NR5A2: variants seen among roughly 807,000 people sequenced by gnomAD.
NR5A2 encodes the protein CYP7A promoter-binding factor.
Under a neutral mutation model 62.7 loss-of-function variants are expected in NR5A2, and 26 were observed. The ratio of observed to expected loss-of-function variants is 0.41; its 90% CI spans 0.30 to 0.58. The LOEUF is 0.58. Among genes scored for constraint, NR5A2 ranks in the 20% least tolerant of loss-of-function variants. The pLI, the probability that NR5A2 is intolerant of heterozygous loss-of-function variation, is 0.22. For missense variants in NR5A2, 541 were observed against 669.1 expected (o/e 0.81, Z 2.11); for synonymous variants, 246 against 241.7 (o/e 1.02, Z -0.16).
intron 6 of NR5A2, among the ~76,000 whole-genome samples, chr1:200,117,966 G>A (rs1324397848): frequency 1.3e-5 from 2 of 150,360 alleles, no homozygotes; most frequent in Non-Finnish European, 3.0e-5. Flanking sequence ...CACCCGTCTC[G>A]GCCTCCCAAA....
chr1:200,096,108 G>A (rs1339605488), intron 5 of NR5A2, among the ~76,000 whole-genome samples: 1 of 151,776 alleles, frequency 6.6e-6, no homozygotes, highest in East Asian at 1.9e-4. Flanking sequence ...TTGTTTGTTT[G>A]TTTGTTTTTG....
At chr1:200,111,146 G>GA in intron 5 of NR5A2, 56 bp from the exon 6 acceptor site, 1 of 1,589,010 alleles carries the variant, frequency 6.3e-7, no homozygotes, top group Non-Finnish European at 8.5e-7. Context: ...AAAAAGTAGT[G>GA]AATAACAGTG....
intron 1 of NR5A2, among the ~76,000 whole-genome samples, chr1:200,038,101 T>G (rs1283055707): frequency 6.6e-6 from 1 of 152,228 alleles, no homozygotes; most frequent in Non-Finnish European, 1.5e-5. Context: ...ATGTTTTTCA[T>G]CTTGTTGGGA....
Position 200,074,100 on chromosome 1 carries a change from T to C in NR5A2, c.1110+25282T>C, listed in dbSNP as rs1663885900. 2.0e-5 allele frequency among the ~76,000 whole-genome samples: 3 copies of C among 152,118 alleles called. 1 individual carries two copies. The South Asian group carries it at 6.2e-4, about 31-fold the overall frequency. ...ATACTTGGTCCTCGTGAGGAATCAA[T>C]GACATAATAAAAGTATGCTAAAAAG... On this transcript the variant is annotated intron_variant, in intron 5 of 7. Coordinates refer to ENST00000367362, the MANE Select transcript of NR5A2 (RefSeq NM_205860.3).
intron 7 of NR5A2, among the ~76,000 whole-genome samples, chr1:200,122,614 A>C (rs1666527801): frequency 6.6e-6 from 1 of 152,138 alleles, no homozygotes; most frequent in African/African-American, 2.4e-5. Context: ...CAACTTTTGA[A>C]CCTCAAAAAT....
At chr1:200,117,534 A>C (rs1166574612) in intron 6 of NR5A2, among the ~76,000 whole-genome samples, 1 of 152,198 alleles carries the variant, frequency 6.6e-6, no homozygotes, top group Non-Finnish European at 1.5e-5. Flanking sequence ...TTTCCGTTAT[A>C]GTGTACTACA....
intron 5 of NR5A2, among the ~76,000 whole-genome samples, chr1:200,068,266 A>C (rs1478600750): frequency 6.6e-6 from 1 of 152,182 alleles, no homozygotes; most frequent in African/African-American, 2.4e-5. Context: ...TTTGGATTAG[A>C]AATCAAATCC....
intron 5 of NR5A2, among the ~76,000 whole-genome samples, chr1:200,055,538 G>C (rs1290313946): frequency 6.6e-6 from 1 of 152,156 alleles, no homozygotes; most frequent in Non-Finnish European, 1.5e-5. Flanking sequence ...AGAGGATCCT[G>C]CTCGGTGTCT....
intron 7 of NR5A2, among the ~76,000 whole-genome samples, chr1:200,127,838 G>C (rs1158938861): frequency 2.0e-5 from 3 of 149,282 alleles, no homozygotes; most frequent in Non-Finnish European, 4.5e-5. Flanking sequence ...TTTGAGTATA[G>C]GCAGGGGTCC....
chr1:200,036,528 TTGGA>T (rs1432332371), intron 1 of NR5A2, among the ~76,000 whole-genome samples: 1 of 152,180 alleles, frequency 6.6e-6, no homozygotes, highest in Non-Finnish European at 1.5e-5. Context: ...CCTCTGCCTC[TTGGA>T]TGGAGACCCA....
chr1:200,031,624 G>C (rs1661556557), intron 1 of NR5A2, among the ~76,000 whole-genome samples: 1 of 129,272 alleles, frequency 7.7e-6, no homozygotes, highest in Non-Finnish European at 1.5e-5. Flanking sequence ...TGTTGCCCAA[G>C]CTGGAGTGCA....
At chr1:200,087,754 T>G (rs1664622628) in intron 5 of NR5A2, among the ~76,000 whole-genome samples, 1 of 151,554 alleles carries the variant, frequency 6.6e-6, no homozygotes, top group South Asian at 2.1e-4. Flanking sequence ...TTTATTTTTA[T>G]TTTTATATAT....
Position 200,039,836 on chromosome 1 carries a change from C to T in NR5A2, c.202+41C>T, listed in dbSNP as rs1218186636. The T allele has an allele frequency of 6.3e-7, 1 of 1,577,020 alleles. No homozygotes were observed. The highest frequency in any genetic ancestry group is 1.8e-5 in the Admixed American group (1 of 54,884). The stretch of plus-strand genomic sequence containing the variant: ...GCGGCGCTCCGGCTCCCGCTGCTTC[C>T]CCACCCCCGGGCTCGCCCTGCAGGC... On this transcript the variant is annotated intron_variant, in intron 2 of 7. Coordinates refer to ENST00000367362, the MANE Select transcript of NR5A2 (RefSeq NM_205860.3). This position sits in a 1 kb window ranked among gnomAD's most constrained non-coding sequence, Gnocchi z 5.1.
intron 5 of NR5A2, among the ~76,000 whole-genome samples, chr1:200,074,821 TA>T (rs1004939675): frequency 1.5e-4 from 22 of 143,722 alleles, no homozygotes; most frequent in South Asian, 4.6e-4. Flanking sequence ...GGACTGGAAT[TA>T]AAAAAAAAAC....
At chr1:200,068,730 G>A (rs562876658) in intron 5 of NR5A2, among the ~76,000 whole-genome samples, 36 of 152,292 alleles carry the variant, frequency 2.4e-4, no homozygotes, top group Admixed American at 3.9e-4. Context: ...GGCTGCTGAA[G>A]CTGAAGCTCA....
chr1:200,044,611 T>C (rs1056757560), intron 3 of NR5A2: 2 of 152,092 alleles, frequency 1.3e-5, no homozygotes, highest in African/African-American at 4.8e-5. Flanking sequence ...TTGTTTGTTT[T>C]TGTTTTTAAG....
intron 5 of NR5A2, chr1:200,057,636 A>T: frequency 3.0e-6 from 1 of 334,948 alleles, no homozygotes; most frequent in South Asian, 2.2e-5. Flanking sequence ...GCACCACAAC[A>T]CCCATCTAAT....
At chr1:200,069,564 T>G (rs1663644866) in intron 5 of NR5A2, among the ~76,000 whole-genome samples, 1 of 152,214 alleles carries the variant, frequency 6.6e-6, no homozygotes. Context: ...AAACAATTCA[T>G]ATTCTACAAT....
At chr1:200,116,213 T>C (rs1417834285) in intron 6 of NR5A2, among the ~76,000 whole-genome samples, 1 of 152,220 alleles carries the variant, frequency 6.6e-6, no homozygotes, top group Non-Finnish European at 1.5e-5. Flanking sequence ...ATGTCATGTC[T>C]ACACATTGCT....
Sources: gnomAD v4.1 joint callset for allele counts (sites outside exome capture counted in the v4.1 genomes callset) on GRCh38, gnomAD v4.1.1 for gene constraint, Gnocchi (gnomAD v3.1) non-coding constraint, MANE v1.5 for transcripts, NCBI Gene and HGNC (gene_info 2026-07-23, HGNC 2026-07-21) for gene names.